The following RABGAP1L variants were observed in gnomAD, a reference collection of about 807,000 sequenced individuals.
The protein encoded by RABGAP1L is RAB GTPase activating protein 1 like.
In RABGAP1L, 63 loss-of-function variants were observed where a neutral mutation model predicts 137.7. That is an observed-to-expected ratio of 0.46 (90% CI 0.37 to 0.56). The LOEUF (loss-of-function observed/expected upper bound fraction) is 0.56. Among genes scored for constraint, RABGAP1L ranks in the 20% least tolerant of loss-of-function variants. The pLI is 0.00. For missense variants in RABGAP1L, 1,095 were observed against 1,244.0 expected (o/e 0.88, Z 1.80); for synonymous variants, 431 against 433.7 (o/e 0.99, Z 0.08).
intron 17 of RABGAP1L, among the ~76,000 whole-genome samples, chr1:174,751,250 G>A (rs1684314877): frequency 6.6e-6 from 1 of 152,192 alleles, no homozygotes; most frequent in Admixed American, 6.5e-5. Context: ...ACCTGAATGT[G>A]AAAGTTTATG....
At chr1:174,420,873 C>T (rs1651196084) in intron 13 of RABGAP1L, among the ~76,000 whole-genome samples, 2 of 152,088 alleles carry the variant, frequency 1.3e-5, no homozygotes, top group Non-Finnish European at 2.9e-5. Context: ...GATGGGGTTT[C>T]ACCGTGTTCG....
intron 13 of RABGAP1L, among the ~76,000 whole-genome samples, chr1:174,534,667 C>T (rs891327748): frequency 6.8e-6 from 1 of 146,914 alleles, no homozygotes; most frequent in Non-Finnish European, 1.5e-5. Context: ...CGCATCTACT[C>T]GGGAGGCTGA....
At chr1:174,333,629 C>T (rs543104340) in intron 11 of RABGAP1L, among the ~76,000 whole-genome samples, 5 of 152,248 alleles carry the variant, frequency 3.3e-5, no homozygotes, top group East Asian at 3.9e-4. Context: ...CAATTATTCA[C>T]GAAAAACTAC....
intron 13 of RABGAP1L, among the ~76,000 whole-genome samples, chr1:174,564,141 A>C (rs903955757): frequency 2.6e-5 from 4 of 152,176 alleles, no homozygotes; most frequent in African/African-American, 9.7e-5. Context: ...CATTGTTCCC[A>C]AAACACAAAG....
chr1:174,281,405 G>T (rs1675528897), intron 10 of RABGAP1L, among the ~76,000 whole-genome samples: 1 of 152,190 alleles, frequency 6.6e-6, no homozygotes, highest in Admixed American at 6.5e-5. Flanking sequence ...GCACTGACTG[G>T]TGCGTTTTTA....
intron 1 of RABGAP1L, among the ~76,000 whole-genome samples, chr1:174,178,113 T>C (rs1004368666): frequency 2.0e-5 from 3 of 152,200 alleles, no homozygotes; most frequent in Admixed American, 2.0e-4. Flanking sequence ...TATCCGTGAG[T>C]ATGGACTGTT....
intron 14 of RABGAP1L, among the ~76,000 whole-genome samples, chr1:174,654,545 A>G (rs1675817650): frequency 6.6e-6 from 1 of 152,166 alleles, no homozygotes; most frequent in African/African-American, 2.4e-5. Flanking sequence ...TTAAAAATCA[A>G]AAGTCCAAGA....
intron 20 of RABGAP1L, among the ~76,000 whole-genome samples, chr1:174,967,330 ATTT>A (rs35787924): frequency 4.3e-5 from 5 of 115,866 alleles, no homozygotes; most frequent in East Asian, 2.5e-4. Flanking sequence ...CACCCAGCTA[ATTT>A]TTTTTTTTTT....
At chr1:174,569,133 AC>A (rs1368165722) in intron 13 of RABGAP1L, among the ~76,000 whole-genome samples, 23 of 152,102 alleles carry the variant, frequency 1.5e-4, no homozygotes, top group Non-Finnish European at 3.2e-4. Flanking sequence ...ATCCTTTCTC[AC>A]CTTTTCCCCA....
chr1:174,347,804 G>A (rs1338014937), intron 11 of RABGAP1L, among the ~76,000 whole-genome samples: 1 of 152,098 alleles, frequency 6.6e-6, no homozygotes, highest in African/African-American at 2.4e-5. Context: ...CTTGAAATCT[G>A]TTTTGTCTAA....
intron 19 of RABGAP1L, among the ~76,000 whole-genome samples, chr1:174,867,691 G>T (rs1437983427): frequency 3.3e-5 from 5 of 152,080 alleles, no homozygotes; most frequent in Admixed American, 3.3e-4. Context: ...TGTCACCCAG[G>T]CTGGACTGCA....
intron 17 of RABGAP1L, among the ~76,000 whole-genome samples, chr1:174,739,849 G>T (rs1683241848): frequency 6.6e-6 from 1 of 152,184 alleles, no homozygotes; most frequent in Admixed American, 6.5e-5. Context: ...AAAGTGCTTT[G>T]CAGTAAAGTG....
chr1:174,670,119 A>T (rs949388147), intron 14 of RABGAP1L, among the ~76,000 whole-genome samples: 1 of 152,120 alleles, frequency 6.6e-6, no homozygotes, highest in South Asian at 2.1e-4. Context: ...TGAACATGGG[A>T]TATCTTTCCA....
At chr1:174,182,337 A>C (rs1666443656) in intron 1 of RABGAP1L, among the ~76,000 whole-genome samples, 2 of 152,200 alleles carry the variant, frequency 1.3e-5, no homozygotes, top group African/African-American at 4.8e-5. Flanking sequence ...AGAGAAAGTT[A>C]GTAAGTGACC....
In RABGAP1L at chr1:174,906,145, G is replaced by T. The variant is rs557316672; in HGVS notation, c.2341-51312G>T. ...CCATTCTTCCACCTCAGCCTCCTAAGTAGCTAGGACTGTAGGCATGTGCCA... is the reference window on the plus strand; with the variant it reads ...CCATTCTTCCACCTCAGCCTCCTAATTAGCTAGGACTGTAGGCATGTGCCA... On this transcript the variant is annotated intron_variant, in intron 19 of 25. Coordinates refer to ENST00000681986, the MANE Select transcript of RABGAP1L (RefSeq NM_001366446.1). Among the ~76,000 whole-genome samples the T allele has an allele frequency of 6.7e-4, 102 of 152,148 alleles. No individual in the cohort carries two copies. In the Middle Eastern group the frequency reaches 0.017, roughly 26 times the overall value.
intron 14 of RABGAP1L, among the ~76,000 whole-genome samples, chr1:174,671,880 TGTTA>T (rs1677200490): frequency 6.6e-6 from 1 of 152,158 alleles, no homozygotes; most frequent in South Asian, 2.1e-4. Flanking sequence ...GAAGAATTGG[TGTTA>T]GTGTTTTAAA....
At chr1:174,713,254 A>G (rs1680726319) in intron 17 of RABGAP1L, among the ~76,000 whole-genome samples, 1 of 152,222 alleles carries the variant, frequency 6.6e-6, no homozygotes, top group East Asian at 1.9e-4. Context: ...TGAAGAATTT[A>G]GTGTTAATCA....
At chr1:174,495,534 A>T (rs1219201385) in intron 13 of RABGAP1L, among the ~76,000 whole-genome samples, 1 of 152,214 alleles carries the variant, frequency 6.6e-6, no homozygotes, top group African/African-American at 2.4e-5. Flanking sequence ...CAAAAGATCC[A>T]AAAGGATCTA....
chr1:174,360,985 T>C (rs1684089424), intron 11 of RABGAP1L, among the ~76,000 whole-genome samples: 1 of 151,978 alleles, frequency 6.6e-6, no homozygotes, highest in African/African-American at 2.4e-5. Flanking sequence ...TGAAACGCCG[T>C]CTCTACTAAA....
Sources: gnomAD v4.1 joint callset for allele counts (sites outside exome capture counted in the v4.1 genomes callset) on GRCh38, gnomAD v4.1.1 for gene constraint, MANE v1.5 for transcripts, NCBI Gene and HGNC (gene_info 2026-07-23, HGNC 2026-07-21) for gene names.